Variants in GADL1 observed in about 807,000 individuals in gnomAD.
GADL1 encodes the protein GAD like acidic amino acid decarboxylase 1.
GADL1 carries 71 observed loss-of-function variants against 69.5 expected under a neutral mutation model. That is an observed-to-expected ratio of 1.02 (90% CI 0.84 to 1.25). The LOEUF is 1.25. Among genes scored for constraint, GADL1 ranks in the 50% most tolerant of loss-of-function variants. The pLI, the probability that GADL1 is intolerant of heterozygous loss-of-function variation, is 0.00. For synonymous variants in GADL1, 254 were observed against 214.4 expected (o/e 1.18, Z -1.62); for missense variants, 737 against 631.8 (o/e 1.17, Z -1.79).
At chr3:30,764,111 T>A (rs1696209235) in intron 14 of GADL1, among the ~76,000 whole-genome samples, 1 of 152,008 alleles carries the variant, frequency 6.6e-6, no homozygotes, top group Non-Finnish European at 1.5e-5. Context: ...AAATGTACAT[T>A]ATATATACTT....
At chr3:30,844,671 G>A (rs1698026258) in intron 6 of GADL1, among the ~76,000 whole-genome samples, 1 of 152,140 alleles carries the variant, frequency 6.6e-6, no homozygotes, top group Non-Finnish European at 1.5e-5. Flanking sequence ...TGAACGTCAA[G>A]TATTCCAGTT....
At chr3:30,843,413 G>A (rs762184891) in intron 8 of GADL1, among the ~76,000 whole-genome samples, 2 of 151,978 alleles carry the variant, frequency 1.3e-5, no homozygotes, top group Admixed American at 6.5e-5. Context: ...GCACCACCAC[G>A]CCCGGCGAAT....
At chr3:30,766,693 G>A (rs961167036) in intron 14 of GADL1, among the ~76,000 whole-genome samples, 1 of 152,152 alleles carries the variant, frequency 6.6e-6, no homozygotes, top group Non-Finnish European at 1.5e-5. Context: ...GACAGTGATA[G>A]GCTGGCTTTC....
chr3:30,761,938 A>G (rs1696145780), intron 14 of GADL1, among the ~76,000 whole-genome samples: 1 of 152,146 alleles, frequency 6.6e-6, no homozygotes, highest in African/African-American at 2.4e-5. Context: ...ATATGTATAT[A>G]ATATCTGGGG....
intron 11 of GADL1, 60 bp downstream of exon 11, chr3:30,833,793 T>C: frequency 8.2e-7 from 1 of 1,226,312 alleles, no homozygotes; most frequent in Non-Finnish European, 1.2e-6. Context: ...AATGAAGCCC[T>C]TGGCAAGCAC....
chr3:30,754,979 G>C (rs1040580093), intron 14 of GADL1, among the ~76,000 whole-genome samples: 4 of 152,142 alleles, frequency 2.6e-5, no homozygotes, highest in South Asian at 2.1e-4. Flanking sequence ...AGACCAAAAC[G>C]GGGGAGCACT....
chr3:30,754,806 C>G (rs548747446), intron 14 of GADL1, among the ~76,000 whole-genome samples: 1 of 152,072 alleles, frequency 6.6e-6, no homozygotes, highest in Non-Finnish European at 1.5e-5. Context: ...GCATGTTTTT[C>G]TAAAAATGAA....
intron 14 of GADL1, among the ~76,000 whole-genome samples, chr3:30,734,563 C>T (rs1340658342): frequency 2.0e-5 from 3 of 152,076 alleles, no homozygotes; most frequent in South Asian, 2.1e-4. Context: ...ATTTCCTTAT[C>T]GTCCAAACAT....
At chr3:30,803,696 A>AGC (rs1213135268) in intron 11 of GADL1, among the ~76,000 whole-genome samples, 1 of 152,216 alleles carries the variant, frequency 6.6e-6, no homozygotes, top group Admixed American at 6.5e-5. Flanking sequence ...CTAAAGAACA[A>AGC]CTGGAGGCTT....
At chr3:30,878,285 C>T (rs1198207104) in intron 1 of GADL1, among the ~76,000 whole-genome samples, 1 of 151,894 alleles carries the variant, frequency 6.6e-6, no homozygotes, top group Non-Finnish European at 1.5e-5. Context: ...AGATCACATT[C>T]TACCATTTCT....
Position 30,770,367 on chromosome 3 carries a change from G to A in GADL1, c.1392+7812C>T, listed in dbSNP as rs78855497. ...ATTTCACGTAGACCTTACACGAACA[G>A]ACGCTAAAGAAACAGACTTAAATGA... On this transcript the variant is annotated intron_variant, in intron 14 of 14. Transcript: ENST00000282538. 0.016 allele frequency among the ~76,000 whole-genome samples: 2,368 copies of A among 152,298 alleles called. 171 individuals are homozygous for A. The East Asian group carries it at 0.24, about 15-fold the overall frequency.
At chr3:30,751,786 G>T (rs1319455549) in intron 14 of GADL1, among the ~76,000 whole-genome samples, 1 of 142,058 alleles carries the variant, frequency 7.0e-6, no homozygotes, top group Non-Finnish European at 1.6e-5. Flanking sequence ...CCATTTCATG[G>T]CTCATAGTTT....
In GADL1 at chr3:30,856,952, AG is replaced by A. The variant is rs1698238102; in HGVS notation, c.337+62del. ...AAGCATTGCTATACTCAGCTTTGAG[AG>A]GCTTTGCAAACATAAGAACTTGTCA... is the stretch of plus-strand genomic sequence containing the variant. On this transcript the variant is annotated intron_variant, in intron 3 of 14. Coordinates refer to ENST00000282538, the MANE Select transcript of GADL1 (RefSeq NM_207359.3). The A allele has an allele frequency of 5.1e-5, 71 of 1,384,652 alleles. No individual in the cohort carries two copies. The South Asian group carries it at 8.2e-4, about 16-fold the overall frequency. The allele number at this position is 1,384,652 out of a possible 1,614,324, so 85.8% of individuals were successfully genotyped here.
chr3:30,774,400 T>G (rs936361969), intron 14 of GADL1, among the ~76,000 whole-genome samples: 5 of 152,220 alleles, frequency 3.3e-5, no homozygotes, highest in African/African-American at 1.2e-4. Context: ...TTTAATAGTT[T>G]TCTACTACCA....
chr3:30,800,857 AG>A lies in GADL1; in HGVS notation c.1250+31del, dbSNP rs769470461. The A allele has an allele frequency of 5.2e-5, 11 of 211,802 alleles. No individual in the cohort carries two copies. In the South Asian group the frequency reaches 7.8e-4, roughly 15 times the overall value. 13.1% of individuals were successfully genotyped at this position (211,802 alleles called of 1,614,324 possible). A position where few individuals can be genotyped will look rare whatever the true frequency, so the allele number is the denominator to read the frequency against. On this transcript the variant is annotated intron_variant, in intron 12 of 14. Transcript: ENST00000282538. ...CACACACACACACACACACAGAAAG[AG>A]AGAGAGAGAGAGAGAGAGAGAGGCT...
intron 14 of GADL1, among the ~76,000 whole-genome samples, chr3:30,734,511 C>G (rs1695512258): frequency 6.6e-6 from 1 of 152,072 alleles, no homozygotes; most frequent in African/African-American, 2.4e-5. Context: ...TCCATGTTAG[C>G]CAGGCAGGTT....
chr3:30,859,076 A>G (rs1292269402), intron 2 of GADL1, among the ~76,000 whole-genome samples: 1 of 151,950 alleles, frequency 6.6e-6, no homozygotes, highest in Non-Finnish European at 1.5e-5. Context: ...GAGCAGCTTG[A>G]CTTAGAGAGG....
chr3:30,834,213 T>A lies in GADL1; in HGVS notation c.968+4A>T, dbSNP rs748868178. On this transcript the variant is annotated splice_donor_region_variant and intron_variant, in intron 10 of 14. Transcript: ENST00000282538. ...TTGGCTGTACACCAGGAAACTACAT[T>A]TACCTGTGGATGCCATGCAGAAGCT... 6.2e-7 allele frequency: 1 copy of A among 1,611,888 alleles called. No individual in the cohort carries two copies. Among genetic ancestry groups the A allele is most frequent in the African/African-American group, 1.3e-5 (1 of 74,786 alleles).
Position 30,785,721 on chromosome 3 carries a change from G to A in GADL1, c.1302+634C>T, listed in dbSNP as rs551040575. Among the ~76,000 whole-genome samples the A allele has an allele frequency of 8.5e-5, 13 of 152,122 alleles. No homozygotes were observed. In the East Asian group the frequency reaches 2.5e-3, roughly 29 times the overall value. On this transcript the variant is annotated intron_variant, in intron 13 of 14. Coordinates refer to ENST00000282538, the MANE Select transcript of GADL1 (RefSeq NM_207359.3). ...ACAGGTTCCAAGACTGGAATCTCTAGGTTATTTTTACATTAGGTTAAAAAC... is the reference window on the plus strand; with the variant it reads ...ACAGGTTCCAAGACTGGAATCTCTAAGTTATTTTTACATTAGGTTAAAAAC...
Sources: allele counts gnomAD v4.1 joint callset (sites outside exome capture counted in the v4.1 genomes callset), GRCh38; gene constraint gnomAD v4.1.1; transcripts MANE v1.5; gene names NCBI Gene and HGNC (gene_info 2026-07-23, HGNC 2026-07-21).